The following DLAT variants were observed in gnomAD, a reference collection of about 807,000 sequenced individuals.
DLAT encodes dihydrolipoyllysine-residue acetyltransferase component of pyruvate dehydrogenase complex, mitochondrial.
In DLAT, 43 loss-of-function variants were observed where a neutral mutation model predicts 68.0. The ratio of observed to expected loss-of-function variants is 0.63; its 90% CI spans 0.50 to 0.81. The LOEUF is 0.81. Ranked by LOEUF, DLAT falls within the 40% of genes least tolerant of loss-of-function variation. The pLI is 0.00. For synonymous variants in DLAT, 265 were observed against 288.6 expected, an observed-to-expected ratio of 0.92 and a Z score of 0.83; for missense variants, 745 against 815.4, an observed-to-expected ratio of 0.91 and a Z score of 1.05.
At chr11:112,028,990 TACTC>T (rs782362202) in intron 4 of DLAT, 45 bp downstream of exon 4, 4 of 1,610,500 alleles carry the variant, frequency 2.5e-6, no homozygotes, top group Non-Finnish European at 3.4e-6. Context: ...ATTACTTACT[TACTC>T]ACTTTTTTTC....
At chr11:112,060,562 C>G (rs1864522506) in intron 12 of DLAT, among the ~76,000 whole-genome samples, 1 of 152,134 alleles carries the variant, frequency 6.6e-6, no homozygotes. Flanking sequence ...TCAAGCAATT[C>G]TCCTACCTCT....
At position 112,025,660 on chromosome 11, in the gene DLAT, C is replaced by G. The variant is rs1436678935; in HGVS notation, c.188C>G (p.Pro63Arg). ...GTCCGGGCACTGTGCGGCTGGACCC[C>G]CAGTTCTGGGGCCACGCCGCGGAAC... Reference protein sequence around the residue: ...GGVRALCGWTPSSGATPRNRL... With the variant: ...GGVRALCGWTRSSGATPRNRL... The change falls in exon 1 of 14, where the codon CCC becomes CGC. Residue 63 changes from proline (P) to arginine (R), a missense_variant. By Grantham distance (103) the Pro-to-Arg change is moderately radical. Transcript: ENST00000280346. 1 of 1,613,194 alleles carries G rather than the reference C, an allele frequency of 6.2e-7. No individual in the cohort carries two copies. The highest frequency in any genetic ancestry group is 1.3e-5 in the African/African-American group (1 of 75,058).
At position 112,051,564 on chromosome 11, in the gene DLAT, T is replaced by G. The variant is rs1863631615; in HGVS notation, c.1514+215T>G. ...CAATTTTCAACCTTGTTTTTGTTTTTGTTTTTGTTGTTGTTGTTGATTTAT... is the reference window on the plus strand; with the variant it reads ...CAATTTTCAACCTTGTTTTTGTTTTGGTTTTTGTTGTTGTTGTTGATTTAT... On this transcript the variant is annotated intron_variant, in intron 11 of 13. Coordinates refer to ENST00000280346, the MANE Select transcript of DLAT (RefSeq NM_001931.5). This position sits in a 1 kb window ranked among gnomAD's most constrained non-coding sequence, Gnocchi z 4.3. Among the ~76,000 whole-genome samples, 1 of 152,158 alleles carries G rather than the reference T, an allele frequency of 6.6e-6. No homozygotes were observed. The highest frequency in any genetic ancestry group is 1.5e-5 in the Non-Finnish European group (1 of 68,028).
chr11:112,058,252 A>G (rs908219128), intron 11 of DLAT, among the ~76,000 whole-genome samples: 1 of 152,250 alleles, frequency 6.6e-6, no homozygotes, highest in Non-Finnish European at 1.5e-5. Flanking sequence ...TTGAACAAGC[A>G]ATATTGTAAT....
chr11:112,055,324 A>G (rs1184494221), intron 11 of DLAT, among the ~76,000 whole-genome samples: 1 of 144,632 alleles, frequency 6.9e-6, no homozygotes, highest in Admixed American at 7.3e-5. Flanking sequence ...GCTCACTGCA[A>G]CCTCCGCCTC....
chr11:112,042,606 G>A (rs1555181074), intron 7 of DLAT, among the ~76,000 whole-genome samples: 1 of 152,146 alleles, frequency 6.6e-6, no homozygotes. Flanking sequence ...AGTGTAAAAG[G>A]TATTCTATAA....
intron 5 of DLAT, among the ~76,000 whole-genome samples, chr11:112,033,968 C>G (rs1353296136): frequency 6.6e-6 from 1 of 152,184 alleles, no homozygotes; most frequent in Non-Finnish European, 1.5e-5. Context: ...AAGCGATCCT[C>G]CTGCCTTGGC....
chr11:112,060,563 T>TCGA (rs2135162021), intron 12 of DLAT, among the ~76,000 whole-genome samples: 1 of 152,254 alleles, frequency 6.6e-6, no homozygotes, highest in South Asian at 2.1e-4. Context: ...CAAGCAATTC[T>TCGA]CCTACCTCTG....
At chr11:112,047,483 T>C (rs1247122900) in intron 10 of DLAT, among the ~76,000 whole-genome samples, 1 of 152,246 alleles carries the variant, frequency 6.6e-6, no homozygotes, top group Non-Finnish European at 1.5e-5. Context: ...ACCCCATTTG[T>C]CTATTTTGGC....
intron 1 of DLAT, 39 bp from the exon 2 acceptor site, chr11:112,026,159 T>G (rs1555179224): frequency 1.4e-6 from 2 of 1,441,426 alleles, no homozygotes; most frequent in Non-Finnish European, 1.9e-6. Flanking sequence ...AGTTAGGTAG[T>G]CCTTAAAAAT....
Position 112,062,355 on chromosome 11 carries a change from A to C in DLAT, c.1815-51A>C, listed in dbSNP as rs587593873. The C allele has an allele frequency of 1.7e-5, 28 of 1,606,214 alleles. No individual in the cohort carries two copies. The African/African-American group carries it at 3.3e-4, about 19-fold the overall frequency. ...TGAGCATTTGGGTGGTTACTGGCTG[A>C]AATGCAGTATTTTCTTTCAGAATAT... On this transcript the variant is annotated intron_variant, in intron 13 of 13. Coordinates refer to ENST00000280346, the MANE Select transcript of DLAT (RefSeq NM_001931.5).
Position 112,028,850 on chromosome 11 carries a change from C to T in DLAT, c.565C>T (p.Pro189Ser). ...ACTGGATTCCTCAGCAGCACCTACCCCACAAGCGGCCCCAGCACCAACCCC... is the reference window on the plus strand; with the variant it reads ...ACTGGATTCCTCAGCAGCACCTACCTCACAAGCGGCCCCAGCACCAACCCC... ...YTLDSSAAPT[P>S]QAAPAPTPAA... The change falls in exon 4 of 14, where the codon CCA becomes TCA. Residue 189 changes from proline to serine, a missense_variant. Coordinates refer to ENST00000280346, the MANE Select transcript of DLAT (RefSeq NM_001931.5). 1 of 1,614,172 alleles carries T rather than the reference C, an allele frequency of 6.2e-7. No individual in the cohort carries two copies. The highest frequency in any genetic ancestry group is 8.5e-7 in the Non-Finnish European group (1 of 1,180,038).
At chr11:112,047,439 C>A (rs1399214433) in intron 10 of DLAT, among the ~76,000 whole-genome samples, 2 of 152,154 alleles carry the variant, frequency 1.3e-5, no homozygotes, top group African/African-American at 2.4e-5. Context: ...ATGATAGTTT[C>A]TTTTGCTGTG....
intron 7 of DLAT, 73 bp from the exon 8 acceptor site, chr11:112,043,393 A>T: frequency 7.2e-7 from 1 of 1,391,570 alleles, no homozygotes; most frequent in Non-Finnish European, 1.0e-6. Flanking sequence ...CTTGCAGTTT[A>T]GGATCACAGC....
chr11:112,031,871 T>G (rs193286052), intron 4 of DLAT, among the ~76,000 whole-genome samples: 2 of 134,450 alleles, frequency 1.5e-5, no homozygotes, highest in Admixed American at 8.1e-5. Context: ...TGAGCCACCA[T>G]GCTGGTCTTT....
chr11:112,035,976 A>C (rs1218481047), intron 5 of DLAT, among the ~76,000 whole-genome samples: 1 of 145,710 alleles, frequency 6.9e-6, no homozygotes, highest in Non-Finnish European at 1.5e-5. Context: ...TTTTTAGTGG[A>C]GATGGGGTTT....
intron 12 of DLAT, 36 bp from the exon 13 acceptor site, chr11:112,061,002 C>A: frequency 6.6e-7 from 1 of 1,523,194 alleles, no homozygotes. Flanking sequence ...TTTATGTTGA[C>A]AAACTATAAT....
rs200488420 is a variant in DLAT, at chr11:112,028,848, C to A, written c.563C>A (p.Thr188Asn). The A allele has an allele frequency of 6.2e-7, 1 of 1,614,164 alleles. No individual in the cohort carries two copies. The part of the protein sequence containing the change: ...NYTLDSSAAP[T>N]PQAAPAPTPA... ...ACACTGGATTCCTCAGCAGCACCTA[C>A]CCCACAAGCGGCCCCAGCACCAACC... Residue 188 changes from threonine to asparagine, a missense_variant, in exon 4 of 14, where the codon ACC becomes AAC. Physicochemically the swap from Thr to Asn is moderately conservative, Grantham distance 65 (BLOSUM62 0). Transcript: ENST00000280346.
At chr11:112,052,020 A>C (rs1863669690) in intron 11 of DLAT, among the ~76,000 whole-genome samples, 1 of 152,238 alleles carries the variant, frequency 6.6e-6, no homozygotes, top group African/African-American at 2.4e-5. Flanking sequence ...CCGTGAGTTA[A>C]GTAACTTGCC....
Sources: allele counts gnomAD v4.1 joint callset (sites outside exome capture counted in the v4.1 genomes callset), GRCh38; gene constraint gnomAD v4.1.1; non-coding constraint Gnocchi (gnomAD v3.1); transcripts MANE v1.5; gene names NCBI Gene and HGNC (gene_info 2026-07-23, HGNC 2026-07-21).